PILRA: variants seen among roughly 807,000 people sequenced by gnomAD.
PILRA encodes the protein paired immunoglobulin-like type 2 receptor alpha.
Under a neutral mutation model 33.1 loss-of-function variants are expected in PILRA, and 37 were observed. That is an observed-to-expected ratio of 1.12 (90% CI 0.86 to 1.47). The LOEUF is 1.47. Among genes scored for constraint, PILRA ranks in the 40% most tolerant of loss-of-function variants. The pLI is 0.00. For missense variants in PILRA, 312 were observed against 376.2 expected (o/e 0.83, Z 1.41); for synonymous variants, 146 against 149.9 (o/e 0.97, Z 0.19).
At chr7:100,384,933 A>G (rs1052349971) in intron 2 of PILRA, among the ~76,000 whole-genome samples, 2 of 152,172 alleles carry the variant, frequency 1.3e-5, no homozygotes, top group Non-Finnish European at 2.9e-5. Flanking sequence ...GGAGCTAAGT[A>G]AGAGTGAGGC....
intron 2 of PILRA, among the ~76,000 whole-genome samples, chr7:100,386,291 T>C (rs191900740): frequency 2.0e-5 from 3 of 152,296 alleles, no homozygotes; most frequent in Middle Eastern, 6.8e-3. Flanking sequence ...AATGCCTTTT[T>C]AAATGGCCGC....
chr7:100,373,585 C>A lies in PILRA; in HGVS notation c.-72C>A, dbSNP rs551153042. On this transcript the variant is annotated 5_prime_UTR_variant, in exon 1 of 7. Coordinates refer to ENST00000198536, the MANE Select transcript of PILRA (RefSeq NM_013439.3). ...CTCACTCACCTCAACCCCCAGGCGG[C>A]CCCTCCACAGGGCCCCTCTCCTGCC... The A allele has an allele frequency of 7.0e-6, 11 of 1,569,036 alleles. No individual in the cohort carries two copies. The African/African-American group carries it at 1.5e-4, about 21-fold the overall frequency.
chr7:100,391,040 T>C (rs1323837381), intron 3 of PILRA, among the ~76,000 whole-genome samples: 1 of 151,682 alleles, frequency 6.6e-6, no homozygotes, highest in East Asian at 1.9e-4. Flanking sequence ...TGAGGTGCGT[T>C]GAGGTGGCTC....
At chr7:100,377,940 T>C (rs1790992716) in intron 2 of PILRA, among the ~76,000 whole-genome samples, 3 of 152,234 alleles carry the variant, frequency 2.0e-5, no homozygotes, top group Non-Finnish European at 4.4e-5. Flanking sequence ...GTCAGTCGAT[T>C]CTGTTTCACT....
chr7:100,395,632 C>G (rs1791479413), intron 3 of PILRA, among the ~76,000 whole-genome samples: 2 of 151,902 alleles, frequency 1.3e-5, no homozygotes, highest in South Asian at 4.2e-4. Flanking sequence ...TGAAAATGGC[C>G]AACTAATCAT....
intron 2 of PILRA, among the ~76,000 whole-genome samples, chr7:100,381,410 A>G (rs1464623178): frequency 7.0e-6 from 1 of 142,880 alleles, no homozygotes; most frequent in African/African-American, 2.6e-5. Flanking sequence ...CCACCACTGC[A>G]CTCCAGCCTG....
chr7:100,388,807 T>A (rs1371365280), intron 2 of PILRA, among the ~76,000 whole-genome samples: 2 of 146,720 alleles, frequency 1.4e-5, no homozygotes, highest in Non-Finnish European at 3.0e-5. Flanking sequence ...CACTGTATGA[T>A]TCAGCTAATA....
chr7:100,396,213 G>A, intron 3 of PILRA, among the ~76,000 whole-genome samples: 1 of 152,086 alleles, frequency 6.6e-6, no homozygotes, highest in East Asian at 1.9e-4. Context: ...GAAAAGAAAG[G>A]TCTTGAAGAG....
chr7:100,383,388 T>G (rs1791164840), intron 2 of PILRA, among the ~76,000 whole-genome samples: 1 of 152,118 alleles, frequency 6.6e-6, no homozygotes, highest in African/African-American at 2.4e-5. Context: ...GGAGCAGACC[T>G]GGAGAAGCCC....
chr7:100,386,509 A>G (rs972023572), intron 2 of PILRA, among the ~76,000 whole-genome samples: 21 of 152,000 alleles, frequency 1.4e-4, no homozygotes, highest in Non-Finnish European at 5.9e-5. Context: ...GTCAAAAAAA[A>G]AAACAAAACA....
intron 2 of PILRA, among the ~76,000 whole-genome samples, chr7:100,383,977 G>T (rs1162354515): frequency 2.0e-5 from 3 of 152,144 alleles, no homozygotes; most frequent in African/African-American, 7.2e-5. Flanking sequence ...CTATGGTATG[G>T]AGGAAAAAAT....
At chr7:100,381,132 G>C (rs915042623) in intron 2 of PILRA, among the ~76,000 whole-genome samples, 2 of 151,966 alleles carry the variant, frequency 1.3e-5, no homozygotes, top group Non-Finnish European at 2.9e-5. Flanking sequence ...CGGGTGTGGT[G>C]GCGGGCACCT....
At chr7:100,382,862 T>C (rs1791148642) in intron 2 of PILRA, among the ~76,000 whole-genome samples, 1 of 152,150 alleles carries the variant, frequency 6.6e-6, no homozygotes, top group Non-Finnish European at 1.5e-5. Context: ...GAAGAAACTC[T>C]GAACACATCC....
intron 4 of PILRA, among the ~76,000 whole-genome samples, chr7:100,398,840 G>A (rs1369696399): frequency 1.3e-5 from 2 of 152,042 alleles, no homozygotes; most frequent in East Asian, 3.9e-4. Flanking sequence ...CAGCCTCCGA[G>A]TCTAAAACCA....
upstream of PILRA, among the ~76,000 whole-genome samples, chr7:100,371,946 A>G (rs769657035): frequency 6.6e-6 from 1 of 152,228 alleles, no homozygotes; most frequent in Non-Finnish European, 1.5e-5. Context: ...AGCATTGGGC[A>G]GCATGTGCCC....
At chr7:100,373,022 G>A (rs1444732571), upstream of PILRA, among the ~76,000 whole-genome samples, 1 of 152,116 alleles carries the variant, frequency 6.6e-6, no homozygotes, top group Non-Finnish European at 1.5e-5. Flanking sequence ...GAGGGCCTGG[G>A]GCAGGAAGAG....
chr7:100,389,819 C>A, intron 2 of PILRA, 69 bp from the exon 3 acceptor site: 1 of 1,328,000 alleles, frequency 7.5e-7, no homozygotes. Flanking sequence ...GAAAGCAGCA[C>A]ACCACGCCTT....
intron 3 of PILRA, among the ~76,000 whole-genome samples, chr7:100,390,603 A>C (rs1791371093): frequency 6.6e-6 from 1 of 152,198 alleles, no homozygotes; most frequent in Non-Finnish European, 1.5e-5. Flanking sequence ...TAATTGCTTC[A>C]TTGAGAAAGA....
Position 100,390,040 on chromosome 7 carries a change from G to A in PILRA, c.607G>A (p.Ala203Thr). ...SLETAVGVAVAVTVLGIMILG... is the reference protein window; with the variant it reads ...SLETAVGVAVTVTVLGIMILG... ...GGAGACTGCTGTGGGGGTGGCAGTG[G>A]CTGTCACTGTGCTCGGAATCATGAT... Residue 203 changes from alanine (A) to threonine (T), a missense_variant, in exon 3 of 7, where the codon GCT becomes ACT. Physicochemically the swap from Ala to Thr is moderately conservative, Grantham distance 58 (BLOSUM62 0). Transcript: ENST00000198536. 6.2e-7 allele frequency: 1 copy of A among 1,614,012 alleles called. No homozygotes were observed. The highest frequency in any genetic ancestry group is 2.2e-5 in the East Asian group (1 of 44,880).
Sources: gnomAD v4.1 joint callset for allele counts (sites outside exome capture counted in the v4.1 genomes callset) on GRCh38, gnomAD v4.1.1 for gene constraint, MANE v1.5 for transcripts, NCBI Gene and HGNC (gene_info 2026-07-23, HGNC 2026-07-21) for gene names.